The following POC1B variants were observed in gnomAD, a reference collection of about 807,000 sequenced individuals.
The protein encoded by POC1B is POC1 centriolar protein B.
Under a neutral mutation model 60.6 loss-of-function variants are expected in POC1B, and 44 were observed. The observed-to-expected ratio is 0.73, with a 90% CI of 0.57 to 0.93. The LOEUF (loss-of-function observed/expected upper bound fraction) is 0.93, where lower values mean the gene tolerates loss of function less well. POC1B is among the 40% of genes least tolerant of loss of function. The pLI is 0.00. For missense variants in POC1B, 555 were observed against 572.3 expected (o/e 0.97, Z 0.31); for synonymous variants, 180 against 198.9 (o/e 0.90, Z 0.80).
intron 2 of POC1B, chr12:89,501,492 A>C: frequency 1.0e-6 from 1 of 973,312 alleles, no homozygotes. Flanking sequence ...GAAATATGGA[A>C]GAGCGTGAAG....
At chr12:89,411,782 G>A in the POC1B span, among the ~76,000 whole-genome samples, 1 of 152,152 alleles carries the variant, frequency 6.6e-6, no homozygotes, top group African/African-American at 2.4e-5. Flanking sequence ...GTGAAGAAGG[G>A]GGATTTAACA....
Position 89,455,300 on chromosome 12 carries a change from A to C in POC1B, c.1113+4338T>G, listed in dbSNP as rs1027740392. Reference sequence around the variant, plus strand: ...CAGTGAGCCGAGACAGTGCCACTGCACTTCAGCCTGGGTGACAGAGTGAGA... The same window carrying C: ...CAGTGAGCCGAGACAGTGCCACTGCCCTTCAGCCTGGGTGACAGAGTGAGA... On this transcript the variant is annotated intron_variant, in intron 10 of 11. Transcript: ENST00000313546. Among the ~76,000 whole-genome samples, 22 of 152,228 alleles carry C rather than the reference A, an allele frequency of 1.4e-4. 1 individual carries two copies. The highest frequency in any genetic ancestry group is 2.0e-4 in the Admixed American group (3 of 15,286).
intron 9 of POC1B, chr12:89,460,799 CA>C (rs2120809236): frequency 6.6e-6 from 1 of 152,022 alleles, no homozygotes; most frequent in African/African-American, 2.4e-5. Flanking sequence ...ATTATAGATT[CA>C]AATATATAAA....
At chr12:89,476,014 A>G (rs376007045) in intron 4 of POC1B, among the ~76,000 whole-genome samples, 2 of 144,600 alleles carry the variant, frequency 1.4e-5, no homozygotes, top group East Asian at 4.1e-4. Context: ...TCAGGTGATC[A>G]TCCCACCTTA....
intron 3 of POC1B, 24 bp downstream of exon 3, chr12:89,497,147 C>A (rs1459294399): frequency 9.3e-6 from 15 of 1,606,628 alleles, no homozygotes; most frequent in Non-Finnish European, 1.2e-5. Context: ...CAAAGGATAT[C>A]AAGTGTTTCT....
At chr12:89,493,404 CA>C (rs1335418829) in intron 3 of POC1B, among the ~76,000 whole-genome samples, 2 of 152,178 alleles carry the variant, frequency 1.3e-5, no homozygotes, top group African/African-American at 4.8e-5. Context: ...CCACTTGGAA[CA>C]GTCAATAAAG....
At position 89,501,030 on chromosome 12, in the gene POC1B, C is replaced by A; in HGVS notation, c.101-3688G>T. 2.9e-6 allele frequency: 3 copies of A among 1,037,914 alleles called. No homozygotes were observed. The East Asian group carries it at 7.5e-5, about 26-fold the overall frequency. The allele number at this position is 1,037,914 out of a possible 1,614,324, so 64.3% of individuals were successfully genotyped here. A position where few individuals can be genotyped will look rare whatever the true frequency, so the allele number is the denominator to read the frequency against. On this transcript the variant is annotated intron_variant, in intron 2 of 11. Transcript: ENST00000313546. ...TGAATTTATAATTGATAAGTCAGAT[C>A]AAAGTTTTGCCAGTAGATCTTGGGA...
intron 4 of POC1B, among the ~76,000 whole-genome samples, chr12:89,482,352 T>C (rs1868395006): frequency 6.6e-6 from 1 of 151,922 alleles, no homozygotes; most frequent in Non-Finnish European, 1.5e-5. Flanking sequence ...CAATATCAAG[T>C]GGTCAAACAT....
At chr12:89,408,815 T>A in the POC1B span, among the ~76,000 whole-genome samples, 9 of 152,254 alleles carry the variant, frequency 5.9e-5, no homozygotes, top group Admixed American at 2.0e-4. Context: ...TGATCGCCAT[T>A]CTAACTGGTG....
intron 10 of POC1B, among the ~76,000 whole-genome samples, chr12:89,444,899 T>C (rs1197751267): frequency 6.6e-6 from 1 of 152,192 alleles, no homozygotes; most frequent in Non-Finnish European, 1.5e-5. Flanking sequence ...ATAAGCAACT[T>C]CAGCAAAGTC....
At chr12:89,505,329 T>C (rs1408876964) in intron 2 of POC1B, among the ~76,000 whole-genome samples, 1 of 152,234 alleles carries the variant, frequency 6.6e-6, no homozygotes, top group East Asian at 1.9e-4. Context: ...TCTAGGAATA[T>C]ACCCACAGAA....
intron 10 of POC1B, among the ~76,000 whole-genome samples, chr12:89,456,453 T>C (rs773490946): frequency 1.2e-4 from 18 of 152,138 alleles, no homozygotes; most frequent in Admixed American, 6.5e-5. Flanking sequence ...TACCATAATT[T>C]TGATGATAGA....
At chr12:89,522,513 C>T (rs997997281) in intron 2 of POC1B, 5 of 347,990 alleles carry the variant, frequency 1.4e-5, no homozygotes, top group African/African-American at 1.0e-4. Context: ...AATATTAAGT[C>T]TGGCACTTAA....
rs1882490998 is a variant in POC1B, at chr12:89,461,695, G to A, written c.1033-1977C>T. On this transcript the variant is annotated intron_variant, in intron 9 of 11. Transcript: ENST00000313546. ...ATAATTATCCAGCCAGTGTGTTAAA[G>A]GGGAGATATAACTGCAATGCTATAG... 5 of 152,108 alleles carry A rather than the reference G, an allele frequency of 3.3e-5. No homozygotes were observed. In the South Asian group the frequency reaches 1.0e-3, roughly 32 times the overall value. 9.4% of individuals were successfully genotyped at this position (152,108 alleles called of 1,614,324 possible).
chr12:89,455,387 G>T (rs764108059), intron 10 of POC1B, among the ~76,000 whole-genome samples: 13 of 152,282 alleles, frequency 8.5e-5, no homozygotes, highest in Middle Eastern at 3.4e-3. Context: ...TTTTCTTCTA[G>T]AGAAGTCCTC....
At chr12:89,427,962 A>G (rs895111153) in intron 10 of POC1B, 3 of 152,250 alleles carry the variant, frequency 2.0e-5, no homozygotes, top group African/African-American at 7.2e-5. Context: ...AAGACAACAT[A>G]CAGCACTTAT....
intron 2 of POC1B, 192 bp downstream of exon 2, chr12:89,524,928 G>A (rs1389381683): frequency 3.3e-6 from 3 of 895,664 alleles, no homozygotes; most frequent in Non-Finnish European, 4.9e-6. Flanking sequence ...TGGCCGGGCC[G>A]GGGGCTGGGG....
intron 2 of POC1B, among the ~76,000 whole-genome samples, chr12:89,511,649 A>G (rs1002279343): frequency 9.9e-5 from 15 of 152,170 alleles, no homozygotes; most frequent in African/African-American, 3.6e-4. Context: ...GAAACACCAG[A>G]CTGCTTTATT....
intron 10 of POC1B, among the ~76,000 whole-genome samples, chr12:89,452,629 A>G (rs756254662): frequency 1.3e-5 from 2 of 152,140 alleles, no homozygotes; most frequent in African/African-American, 4.8e-5. Context: ...CATATTTGTC[A>G]GTATATCTTA....
Sources: allele counts gnomAD v4.1 joint callset (sites outside exome capture counted in the v4.1 genomes callset), GRCh38; gene constraint gnomAD v4.1.1; transcripts MANE v1.5; gene names NCBI Gene and HGNC (gene_info 2026-07-23, HGNC 2026-07-21).